The following RNF150 variants were observed in gnomAD, a reference collection of about 807,000 sequenced individuals.
RNF150 encodes the protein ring finger protein 150.
Under a neutral mutation model 39.3 loss-of-function variants are expected in RNF150, and 24 were observed. The ratio of observed to expected loss-of-function variants is 0.61; its 90% CI spans 0.44 to 0.86. The LOEUF (loss-of-function observed/expected upper bound fraction) is 0.86, where lower values mean the gene tolerates loss of function less well. Ranked by LOEUF, RNF150 falls within the 40% of genes least tolerant of loss-of-function variation. The pLI is 0.00. For synonymous variants in RNF150, 255 were observed against 227.3 expected (o/e 1.12, Z -1.10); for missense variants, 502 against 587.8 (o/e 0.85, Z 1.51).
chr4:141,053,771 G>A, intron 1 of RNF150: 1 of 1,107,738 alleles, frequency 9.0e-7, no homozygotes, highest in African/African-American at 1.6e-5. Context: ...AACGAGATAA[G>A]TGATCCAGCT....
rs1728569853 is a variant in RNF150 at position 140,863,444 on chromosome 4, GA to G, written c.*4816del. 6.6e-6 allele frequency: 1 copy of G among 152,132 alleles called. No homozygotes were observed. The highest frequency in any genetic ancestry group is 6.5e-5 in the Admixed American group (1 of 15,282). The allele number at this position is 152,132 out of a possible 1,614,324, so 9.4% of individuals were successfully genotyped here. On this transcript the variant is annotated 3_prime_UTR_variant, in exon 7 of 7. Transcript: ENST00000515673. ...TAAACAGGTTTGCCTCATCAGAAGT[GA>G]ATATGGATATTGCTACACAATAAAA...
rs187144995 is a variant in RNF150 at position 140,910,724 on chromosome 4, C to A, written c.1198+420G>T. 2.0e-5 allele frequency among the ~76,000 whole-genome samples: 3 copies of A among 152,120 alleles called. No individual in the cohort carries two copies. In the East Asian group the frequency reaches 5.8e-4, roughly 29 times the overall value. On this transcript the variant is annotated intron_variant, in intron 6 of 6. Transcript: ENST00000515673. Reference sequence around the variant, plus strand: ...GCTCCAGTGTGTGTGTGTGTGTGTACACACATGCGAGCATGCGCAGGTGAG... The same window carrying A: ...GCTCCAGTGTGTGTGTGTGTGTGTAAACACATGCGAGCATGCGCAGGTGAG...
At chr4:141,180,732 G>A (rs1727896560) in intron 1 of RNF150, among the ~76,000 whole-genome samples, 1 of 152,058 alleles carries the variant, frequency 6.6e-6, no homozygotes, top group African/African-American at 2.4e-5. Context: ...AAGCAGATAA[G>A]CAGAACATGT....
chr4:141,145,774 A>C (rs772972129), intron 1 of RNF150, among the ~76,000 whole-genome samples: 1 of 152,188 alleles, frequency 6.6e-6, no homozygotes, highest in African/African-American at 2.4e-5. Flanking sequence ...GAAGTCTCTC[A>C]TGGGTCAGGG....
intron 1 of RNF150, among the ~76,000 whole-genome samples, chr4:140,970,810 TG>T (rs1579015633): frequency 6.6e-6 from 1 of 152,114 alleles, no homozygotes; most frequent in East Asian, 1.9e-4. Flanking sequence ...CAAATGGCAG[TG>T]GGGAGGGCCT....
At chr4:140,892,725 T>TC (rs35931388) in intron 6 of RNF150, among the ~76,000 whole-genome samples, 1 of 141,184 alleles carries the variant, frequency 7.1e-6, no homozygotes, top group African/African-American at 3.2e-5. Context: ...ACAAGTTCCT[T>TC]CCCCCTGGGG....
chr4:141,015,110 T>A (rs1042323097), intron 1 of RNF150, among the ~76,000 whole-genome samples: 11 of 152,224 alleles, frequency 7.2e-5, no homozygotes, highest in Admixed American at 1.3e-4. Flanking sequence ...CTCACCTTTG[T>A]CATAAATAAG....
rs67537538 is a variant in RNF150, at chr4:141,177,480, C to T, written c.-6+35314G>A. ...ATACAGGGCATTATTGATTCTTTCT[C>T]TCTCTCTCTCTCTCTCTCCCTCAAT... On this transcript the variant is annotated intron_variant, in intron 1 of 7. Coordinates refer to the RNF150 transcript ENST00000420921. Among the ~76,000 whole-genome samples, 260 of 96,170 alleles carry T rather than the reference C, an allele frequency of 2.7e-3. 3 individuals carry two copies. Among genetic ancestry groups the T allele is most frequent in the African/African-American group, 7.4e-3 (237 of 32,162 alleles). The allele number at this position is 96,170 out of a possible 152,430, so 63.1% of individuals were successfully genotyped here. A position where few individuals can be genotyped will look rare whatever the true frequency, so the allele number is the denominator to read the frequency against.
At chr4:141,058,383 A>T (rs1345693749) in intron 1 of RNF150, among the ~76,000 whole-genome samples, 1 of 152,064 alleles carries the variant, frequency 6.6e-6, no homozygotes, top group Non-Finnish European at 1.5e-5. Context: ...CTATCCAGGG[A>T]CTGAAAATTT....
At chr4:141,143,631 T>C (rs752683406) in intron 1 of RNF150, among the ~76,000 whole-genome samples, 1 of 152,196 alleles carries the variant, frequency 6.6e-6, no homozygotes, top group Non-Finnish European at 1.5e-5. Flanking sequence ...TCCCCCACTT[T>C]AAGTGAGCCT....
intron 1 of RNF150, among the ~76,000 whole-genome samples, chr4:141,163,164 C>T (rs967574239): frequency 6.6e-6 from 1 of 152,144 alleles, no homozygotes; most frequent in Non-Finnish European, 1.5e-5. Flanking sequence ...GTTTTCCCCT[C>T]ACAGTGTAAA....
At position 140,995,171 on chromosome 4, in the gene RNF150, CTCTA is replaced by C. The variant is rs1160946486; in HGVS notation, c.485-27302_485-27299del. On this transcript the variant is annotated intron_variant, in intron 1 of 6. Coordinates refer to ENST00000515673, the MANE Select transcript of RNF150 (RefSeq NM_020724.2). ...AGCCTCTGGTAACCATCATTCTACT[CTCTA>C]TCTATGATAAAGGGCAGGTGAACCC... Among the ~76,000 whole-genome samples the C allele has an allele frequency of 2.6e-5, 4 of 152,284 alleles. No homozygotes were observed. In the Middle Eastern group the frequency reaches 0.014, roughly 518 times the overall value.
At chr4:141,010,567 T>C (rs13132043) in intron 1 of RNF150, among the ~76,000 whole-genome samples, 89,356 of 152,054 alleles carry the variant, frequency 0.59, 28,204 homozygotes, top group Admixed American at 0.71. Flanking sequence ...TATCTTCTTC[T>C]CTTCATAAAG....
At chr4:140,993,755 G>A (rs1363016240) in intron 1 of RNF150, among the ~76,000 whole-genome samples, 1 of 152,148 alleles carries the variant, frequency 6.6e-6, no homozygotes, top group Non-Finnish European at 1.5e-5. Context: ...ATGATAAGGA[G>A]GGTTATCTCC....
At chr4:140,919,986 G>A (rs1428069963) in intron 5 of RNF150, among the ~76,000 whole-genome samples, 3 of 152,140 alleles carry the variant, frequency 2.0e-5, no homozygotes, top group African/African-American at 7.2e-5. Context: ...CTAGCCATAT[G>A]TAGAAAGCTG....
chr4:140,870,342 T>C (rs1019215086), intron 6 of RNF150, among the ~76,000 whole-genome samples: 2 of 152,128 alleles, frequency 1.3e-5, no homozygotes, highest in African/African-American at 4.8e-5. Context: ...CAACAAATAG[T>C]CAAGAAAACT....
At chr4:140,935,686 C>A (rs1731838479) in intron 4 of RNF150, among the ~76,000 whole-genome samples, 1 of 152,154 alleles carries the variant, frequency 6.6e-6, no homozygotes, top group African/African-American at 2.4e-5. Flanking sequence ...TTAGCAAACT[C>A]CAAACTTAGA....
At chr4:140,902,805 G>C (rs1366376048) in intron 6 of RNF150, among the ~76,000 whole-genome samples, 1 of 152,184 alleles carries the variant, frequency 6.6e-6, no homozygotes, top group East Asian at 1.9e-4. Flanking sequence ...GCTGTGGACG[G>C]AGGCCAACTG....
chr4:141,141,137 G>A lies in RNF150; in HGVS notation c.-6+71657C>T, dbSNP rs537947218. Among the ~76,000 whole-genome samples the A allele has an allele frequency of 2.0e-5, 3 of 152,248 alleles. No homozygotes were observed. The East Asian group carries it at 5.8e-4, about 29-fold the overall frequency. ...AGTAAGGACACTGGAAAGGAACAGG[G>A]GACAGAAAATAGCATTTACTATTTC... On this transcript the variant is annotated intron_variant, in intron 1 of 7. Transcript: ENST00000420921.
Sources: allele counts gnomAD v4.1 joint callset (sites outside exome capture counted in the v4.1 genomes callset), GRCh38; gene constraint gnomAD v4.1.1; transcripts MANE v1.5; gene names NCBI Gene and HGNC (gene_info 2026-07-23, HGNC 2026-07-21).